RNF139: variants seen among roughly 807,000 people sequenced by gnomAD.
RNF139 encodes E3 ubiquitin-protein ligase RNF139.
In RNF139, 15 loss-of-function variants were observed where a neutral mutation model predicts 49.5. That is an observed-to-expected ratio of 0.30 (90% confidence interval 0.20 to 0.47). The LOEUF is 0.47. Ranked by LOEUF, RNF139 falls within the 20% of genes least tolerant of loss-of-function variation. The pLI is 1.00. For synonymous variants in RNF139, 325 were observed against 300.9 expected, an observed-to-expected ratio of 1.08 and a Z score of -0.83; for missense variants, 619 against 806.3, an observed-to-expected ratio of 0.77 and a Z score of 2.81.
At position 124,487,843 on chromosome 8, in the gene RNF139, T is replaced by C. The variant is rs1229116607; in HGVS notation, c.*199T>C. The C allele has an allele frequency of 1.8e-6, 1 of 540,602 alleles. No individual in the cohort carries two copies. The highest frequency in any genetic ancestry group is 3.2e-6 in the Non-Finnish European group (1 of 311,272). 33.5% of individuals were successfully genotyped at this position (540,602 alleles called of 1,614,324 possible). On this transcript the variant is annotated 3_prime_UTR_variant, in exon 2 of 2. Transcript: ENST00000303545. ...TACTTCTGGTCTCTTTGGTGACCTGTTTAAATTTGTGTACATTATTGTACA... is the reference window on the plus strand; with the variant it reads ...TACTTCTGGTCTCTTTGGTGACCTGCTTAAATTTGTGTACATTATTGTACA...
chr8:124,479,282 G>A (rs1816366265), intron 1 of RNF139, among the ~76,000 whole-genome samples: 1 of 152,154 alleles, frequency 6.6e-6, no homozygotes, highest in Non-Finnish European at 1.5e-5. Context: ...AATTGGCCTA[G>A]AGAGATAGTT....
chr8:124,481,653 G>A (rs1183791773), intron 1 of RNF139, among the ~76,000 whole-genome samples: 1 of 152,018 alleles, frequency 6.6e-6, no homozygotes, highest in African/African-American at 2.4e-5. Flanking sequence ...ATTGGACTGA[G>A]ATCTCTGAGT....
Position 124,486,970 on chromosome 8 carries a change from T to C in RNF139, c.1321T>C (p.Tyr441His). ...CLKVIVSLTVYTLFMIDGYYN... is the reference protein window; with the variant it reads ...CLKVIVSLTVHTLFMIDGYYN... ...AAAAGTAATTGTTTCTCTCACTGTT[T>C]ATACGTTATTCATGATTGATGGCTA... Residue 441 changes from tyrosine to histidine, a missense_variant, in exon 2 of 2, where the codon TAT (tyrosine) becomes CAT (histidine). Coordinates refer to ENST00000303545, the MANE Select transcript of RNF139 (RefSeq NM_007218.4). 1 of 1,614,126 alleles carries C rather than the reference T, an allele frequency of 6.2e-7. No individual in the cohort carries two copies. Among genetic ancestry groups the C allele is most frequent in the Non-Finnish European group, 8.5e-7 (1 of 1,180,004 alleles).
rs895960818 is a variant in RNF139 at position 124,487,734 on chromosome 8, C to G, written c.*90C>G. On this transcript the variant is annotated 3_prime_UTR_variant, in exon 2 of 2. Transcript: ENST00000303545. ...ATATCCTTCACCTTCAGTGTGTAAC[C>G]AAGCACAAAAACAGTATCAATGTTG... The G allele has an allele frequency of 1.5e-5, 19 of 1,293,288 alleles. No individual in the cohort carries two copies. The African/African-American group carries it at 2.7e-4, about 18-fold the overall frequency. The allele number at this position is 1,293,288 out of a possible 1,614,324, so 80.1% of individuals were successfully genotyped here. A position where few individuals can be genotyped will look rare whatever the true frequency, so the allele number is the denominator to read the frequency against.
intron 1 of RNF139, among the ~76,000 whole-genome samples, chr8:124,483,110 A>AAATTATATATATT (rs1563631443): frequency 2.9e-5 from 2 of 69,046 alleles, no homozygotes; most frequent in Non-Finnish European, 5.1e-5. Flanking sequence ...TATATATATT[A>AAATTATATATATT]AAAATATATA....
In RNF139 at chr8:124,488,408, T is replaced by TACTC. The variant is rs1327238926; in HGVS notation, c.*766_*769dup. ...TTTTTTAAATTGTTTTAAACTAAGA[T>TACTC]ACTCAATGATATAAAAACATCCTGA... On this transcript the variant is annotated 3_prime_UTR_variant, in exon 2 of 2. Coordinates refer to ENST00000303545, the MANE Select transcript of RNF139 (RefSeq NM_007218.4). 11 of 424,394 alleles carry TACTC rather than the reference T, an allele frequency of 2.6e-5. No homozygotes were observed. Among genetic ancestry groups the TACTC allele is most frequent in the Admixed American group, 1.3e-4 (3 of 22,746 alleles). 26.3% of individuals were successfully genotyped at this position (424,394 alleles called of 1,614,324 possible).
chr8:124,483,960 T>A (rs549415784), intron 1 of RNF139, among the ~76,000 whole-genome samples: 1 of 152,284 alleles, frequency 6.6e-6, no homozygotes, highest in East Asian at 1.9e-4. Context: ...CTGTTATAGA[T>A]ACATGTGTAA....
At chr8:124,477,142 C>T (rs188220143) in intron 1 of RNF139, among the ~76,000 whole-genome samples, 2 of 152,272 alleles carry the variant, frequency 1.3e-5, no homozygotes, top group Admixed American at 1.3e-4. Context: ...TTGAAATCAT[C>T]GGCAAAATAT....
At chr8:124,482,841 G>A (rs1004626384) in intron 1 of RNF139, among the ~76,000 whole-genome samples, 7 of 147,066 alleles carry the variant, frequency 4.8e-5, no homozygotes, top group Non-Finnish European at 1.0e-4. Context: ...CAGAAGAATC[G>A]CTTGAACCTG....
At position 124,485,928 on chromosome 8, in the gene RNF139, G is replaced by A; in HGVS notation, c.279G>A (p.Val93=). ...CCTTTCTGTTAGCTGCAACTTCAGTGTTGGTGAATTATTATGCTTCTTTGC... is the reference window on the plus strand; with the variant it reads ...CCTTTCTGTTAGCTGCAACTTCAGTATTGGTGAATTATTATGCTTCTTTGC... The part of the protein sequence containing the change: ...SSAFLLAATS[V]LVNYYASLHI... Residue 93 remains valine, a synonymous_variant, in exon 2 of 2, where the codon GTG becomes GTA. Coordinates refer to ENST00000303545, the MANE Select transcript of RNF139 (RefSeq NM_007218.4). The A allele has an allele frequency of 6.2e-7, 1 of 1,614,202 alleles. No homozygotes were observed. The highest frequency in any genetic ancestry group is 8.5e-7 in the Non-Finnish European group (1 of 1,180,012).
At position 124,487,517 on chromosome 8, in the gene RNF139, C is replaced by T; in HGVS notation, c.1868C>T (p.Ala623Val). The change falls in exon 2 of 2, where the codon GCT (alanine) becomes GTT (valine). Residue 623 changes from alanine to valine, a missense_variant. By Grantham distance (64) the Ala-to-Val change is moderately conservative. Around this residue, in one of 2 missense-constraint regions of RNF139, gnomAD observed 530 missense variants for 728.9 expected, o/e 0.73. Coordinates refer to ENST00000303545, the MANE Select transcript of RNF139 (RefSeq NM_007218.4). The part of the protein sequence containing the change: ...TPEEAVREAA[A>V]ESDRELNEDD... ...GAGGAAGCTGTAAGAGAAGCTGCTG[C>T]TGAATCTGACAGGGAATTGAACGAA... is the stretch of plus-strand genomic sequence containing the variant. The T allele has an allele frequency of 6.2e-7, 1 of 1,614,074 alleles. No homozygotes were observed. Among genetic ancestry groups the T allele is most frequent in the East Asian group, 2.2e-5 (1 of 44,876 alleles).
chr8:124,475,526 G>A (rs1816299758), intron 1 of RNF139, among the ~76,000 whole-genome samples: 1 of 152,228 alleles, frequency 6.6e-6, no homozygotes. Context: ...GTGAGGTGGG[G>A]AGAAAGTAAG....
intron 1 of RNF139, among the ~76,000 whole-genome samples, chr8:124,482,939 A>ATATAT (rs1563630936): frequency 2.2e-5 from 2 of 89,572 alleles, no homozygotes; most frequent in Non-Finnish European, 4.8e-5. Context: ...AAAATATAAA[A>ATATAT]AAAAATATAT....
intron 1 of RNF139, among the ~76,000 whole-genome samples, chr8:124,478,355 G>A (rs1158916457): frequency 1.3e-5 from 2 of 151,974 alleles, no homozygotes; most frequent in African/African-American, 2.4e-5. Context: ...GGTGGCTCAC[G>A]CCTATAATCC....
chr8:124,487,577 GAGAA>G lies in RNF139; in HGVS notation c.1934_1937del (p.Arg645MetfsTer3), dbSNP rs1563633259. The G allele has an allele frequency of 1.4e-5, 23 of 1,614,074 alleles. No homozygotes were observed. Among genetic ancestry groups the G allele is most frequent in the Non-Finnish European group, 1.8e-5 (21 of 1,179,960 alleles). On this transcript the variant is annotated frameshift_variant, in exon 2 of 2. Transcript: ENST00000303545. LOFTEE classifies it high-confidence loss of function. ...ACAGATTGTGATGATGATGTTCAAA[GAGAA>G]AGAAATGGAGTGATTCAGCACACAG...
intron 1 of RNF139, among the ~76,000 whole-genome samples, chr8:124,476,961 T>C (rs2131296814): frequency 6.6e-6 from 1 of 152,354 alleles, no homozygotes; most frequent in South Asian, 2.1e-4. Context: ...CTTGGAAGTT[T>C]GTGTTTGACA....
intron 1 of RNF139, among the ~76,000 whole-genome samples, chr8:124,483,112 A>AT (rs1816475535): frequency 2.1e-3 from 2 of 952 alleles, no homozygotes; most frequent in South Asian, 0.042. Flanking sequence ...TATATATTAA[A>AT]AATATATATA....
At chr8:124,483,430 T>C (rs1816482910) in intron 1 of RNF139, 1 of 151,716 alleles carries the variant, frequency 6.6e-6, no homozygotes, top group Admixed American at 6.6e-5. Context: ...ATTTTTATTT[T>C]ATTTAATATT....
rs1396381530 is a variant in RNF139 at position 124,485,978 on chromosome 8, A to G, written c.329A>G (p.Asn110Ser). Residue 110 changes from asparagine to serine, a missense_variant, in exon 2 of 2, where the codon AAC (asparagine) becomes AGC (serine). By Grantham distance (46) the Asn-to-Ser change is conservative. This residue lies in a region of RNF139 where 530 missense variants were observed against 728.9 expected (regional missense o/e 0.73). Transcript: ENST00000303545. ...CACATTGACTTCTATGGTGCCTACA[A>G]CACGTCAGCTTTTGGAATTGAGCTG... Reference protein sequence around the residue: ...SLHIDFYGAYNTSAFGIELLP... With the variant: ...SLHIDFYGAYSTSAFGIELLP... The G allele has an allele frequency of 1.2e-6, 2 of 1,614,198 alleles. No homozygotes were observed. The highest frequency in any genetic ancestry group is 2.2e-5 in the South Asian group (2 of 91,086).
Sources: allele counts gnomAD v4.1 joint callset (sites outside exome capture counted in the v4.1 genomes callset), GRCh38; gene constraint gnomAD v4.1.1; regional missense constraint gnomAD v4.1.1; transcripts MANE v1.5; gene names NCBI Gene and HGNC (gene_info 2026-07-23, HGNC 2026-07-21).